NUP54: variants seen among roughly 807,000 people sequenced by gnomAD.
NUP54 encodes the protein nucleoporin p54.
In NUP54, 27 loss-of-function variants were observed where a neutral mutation model predicts 66.4. The observed-to-expected ratio is 0.41, with a 90% CI of 0.30 to 0.56. The LOEUF (loss-of-function observed/expected upper bound fraction) is 0.56. NUP54 is among the 20% of genes least tolerant of loss of function. The probability of loss-of-function intolerance (pLI) is 0.34; values close to 1 mark genes in which losing one functional copy is unlikely to be tolerated. For synonymous variants in NUP54, 206 were observed against 210.7 expected, an observed-to-expected ratio of 0.98 and a Z score of 0.19; for missense variants, 486 against 596.3, an observed-to-expected ratio of 0.82 and a Z score of 1.93.
chr4:76,118,759 C>T (rs560608841), intron 9 of NUP54, among the ~76,000 whole-genome samples: 17 of 151,808 alleles, frequency 1.1e-4, no homozygotes, highest in South Asian at 2.1e-4. Context: ...AATCCCAGCA[C>T]TTTGGGAGGA....
At chr4:76,126,888 AATAAAGACCC>A (rs1408624241) in intron 8 of NUP54, among the ~76,000 whole-genome samples, 1 of 152,182 alleles carries the variant, frequency 6.6e-6, no homozygotes, top group African/African-American at 2.4e-5. Flanking sequence ...TTTATGGAAG[AATAAAGACCC>A]ATAAAGACCC....
intron 1 of NUP54, 67 bp downstream of exon 1, chr4:76,148,241 T>G: frequency 1.8e-6 from 2 of 1,129,082 alleles, no homozygotes; most frequent in Non-Finnish European, 2.3e-6. Flanking sequence ...TCGGAGAGTC[T>G]CGGACAGAGG....
chr4:76,136,387 A>G lies in NUP54; in HGVS notation c.321T>C (p.Pro107=), dbSNP rs770364428. 11 of 1,613,902 alleles carry G rather than the reference A, an allele frequency of 6.8e-6. No homozygotes were observed. The East Asian group carries it at 2.2e-4, about 33-fold the overall frequency. Residue 107 remains proline, a synonymous_variant, in exon 4 of 12, where the codon CCT becomes CCC. Coordinates refer to ENST00000264883, the MANE Select transcript of NUP54 (RefSeq NM_017426.4). ...GGTTGGACTGGGTAGGAGCTTGTGT[A>G]GGCTGACTGAAGAGACCACCTAATG... ...QTTLGGLFSQ[P]TQAPTQSNQL...
rs1236338016 is a variant in NUP54 at position 76,136,176 on chromosome 4, TTAA to T, written c.522+7_522+9del. 6.3e-7 allele frequency: 1 copy of T among 1,581,722 alleles called. No homozygotes were observed. Among genetic ancestry groups the T allele is most frequent in the Non-Finnish European group, 8.7e-7 (1 of 1,151,632 alleles). On this transcript the variant is annotated splice_region_variant and intron_variant, in intron 4 of 11. Coordinates refer to ENST00000264883, the MANE Select transcript of NUP54 (RefSeq NM_017426.4). ...TCTTCAACTGAAGATAAAAATAGTA[TTAA>T]TAATACCTTAAATCGGCAAAAGGGA...
At chr4:76,120,230 A>C (rs1730169682) in intron 9 of NUP54, among the ~76,000 whole-genome samples, 2 of 152,152 alleles carry the variant, frequency 1.3e-5, no homozygotes, top group African/African-American at 4.8e-5. Context: ...ACTGGTATAG[A>C]TCTTTAACAA....
intron 8 of NUP54, among the ~76,000 whole-genome samples, chr4:76,129,624 G>A (rs561431094): frequency 2.2e-4 from 34 of 152,184 alleles, no homozygotes; most frequent in Middle Eastern, 3.4e-3. Context: ...TAGCACTTTC[G>A]GGAGGCCGAG....
intron 6 of NUP54, 172 bp downstream of exon 6, chr4:76,132,351 T>C: frequency 2.3e-6 from 1 of 440,190 alleles, no homozygotes. Context: ...AGCTATATAA[T>C]AAAAAACTAA....
chr4:76,129,020 AC>A (rs1392338709), intron 8 of NUP54, among the ~76,000 whole-genome samples: 29 of 152,342 alleles, frequency 1.9e-4, no homozygotes, highest in Non-Finnish European at 3.8e-4. Context: ...GTTCTATAGC[AC>A]TATAGGTAAC....
At chr4:76,123,714 G>A (rs967964577) in intron 9 of NUP54, among the ~76,000 whole-genome samples, 1 of 151,928 alleles carries the variant, frequency 6.6e-6, no homozygotes, top group African/African-American at 2.4e-5. Context: ...GGGTTTCACC[G>A]TGTTGCCCAG....
chr4:76,117,544 A>G, intron 11 of NUP54, 120 bp downstream of exon 11: 2 of 653,216 alleles, frequency 3.1e-6, no homozygotes, highest in South Asian at 1.9e-5. Flanking sequence ...CAACAGTGCA[A>G]GAAAGTTCCA....
intron 8 of NUP54, among the ~76,000 whole-genome samples, chr4:76,127,205 G>A (rs981663209): frequency 1.3e-5 from 2 of 152,090 alleles, no homozygotes; most frequent in Non-Finnish European, 2.9e-5. Context: ...GGCCAAGACG[G>A]GTGGATCACG....
chr4:76,141,159 A>C (rs1025860026), intron 3 of NUP54, among the ~76,000 whole-genome samples: 1 of 152,176 alleles, frequency 6.6e-6, no homozygotes, highest in Non-Finnish European at 1.5e-5. Flanking sequence ...TGAGGAATAC[A>C]TGGACGGGCA....
At position 76,118,092 on chromosome 4, in the gene NUP54, C is replaced by T. The variant is rs1560672890; in HGVS notation, c.1267G>A (p.Ala423Thr). Residue 423 changes from alanine to threonine, a missense_variant, in exon 10 of 12, where the codon GCA becomes ACA. By Grantham distance (58) the Ala-to-Thr change is moderately conservative. Around this residue, in one of 4 missense-constraint regions of NUP54, gnomAD observed 83 missense variants for 128.6 expected, o/e 0.65. Transcript: ENST00000264883. ...GTGGTTACCTTGAACTGAGTAGGTG[C>T]ATTTAGTTCACCCTGAATCGTATCC... ...QLDTIQGELN[A>T]PTQFKGRLNE... 6.2e-7 allele frequency: 1 copy of T among 1,613,992 alleles called. No individual in the cohort carries two copies. Among genetic ancestry groups the T allele is most frequent in the Non-Finnish European group, 8.5e-7 (1 of 1,179,888 alleles).
At chr4:76,124,394 A>C (rs922909771) in intron 9 of NUP54, among the ~76,000 whole-genome samples, 3 of 152,158 alleles carry the variant, frequency 2.0e-5, no homozygotes, top group African/African-American at 7.2e-5. Flanking sequence ...CCTTGCACTA[A>C]GATGCTTTAT....
At chr4:76,119,542 C>CTT (rs11358048) in intron 9 of NUP54, among the ~76,000 whole-genome samples, 3 of 143,360 alleles carry the variant, frequency 2.1e-5, no homozygotes, top group African/African-American at 5.1e-5. Flanking sequence ...AATTTTTTTT[C>CTT]TTTTTTTTTT....
intron 9 of NUP54, among the ~76,000 whole-genome samples, chr4:76,122,230 G>C (rs1730267299): frequency 6.6e-6 from 1 of 152,084 alleles, no homozygotes; most frequent in Admixed American, 6.6e-5. Context: ...TAAATAGCTG[G>C]ATTCTCTTTG....
chr4:76,133,062 A>T (rs546848942), intron 5 of NUP54, among the ~76,000 whole-genome samples: 3 of 108,672 alleles, frequency 2.8e-5, no homozygotes, highest in South Asian at 3.5e-4. Context: ...ATATATATAT[A>T]TATTTTTAAA....
Position 76,136,432 on chromosome 4 carries a change from T to C in NUP54, c.296-20A>G. 3 of 1,588,620 alleles carry C rather than the reference T, an allele frequency of 1.9e-6. No individual in the cohort carries two copies. The highest frequency in any genetic ancestry group is 2.6e-6 in the Non-Finnish European group (3 of 1,161,514). On this transcript the variant is annotated intron_variant, in intron 3 of 11. Transcript: ENST00000264883. Reference sequence around the variant, plus strand: ...CTAATGCTAAAAATGTACCCAAAATTAGTATTTAAAAACAAAACAAAACAA... The same window carrying C: ...CTAATGCTAAAAATGTACCCAAAATCAGTATTTAAAAACAAAACAAAACAA...
chr4:76,143,229 TATACC>T (rs772843490), intron 3 of NUP54, among the ~76,000 whole-genome samples: 23 of 152,246 alleles, frequency 1.5e-4, no homozygotes, highest in Non-Finnish European at 3.2e-4. Context: ...TGTGTTAAAC[TATACC>T]ATAGGCGTGC....
Sources: allele counts gnomAD v4.1 joint callset (sites outside exome capture counted in the v4.1 genomes callset), GRCh38; gene constraint gnomAD v4.1.1; regional missense constraint gnomAD v4.1.1; transcripts MANE v1.5; gene names NCBI Gene and HGNC (gene_info 2026-07-23, HGNC 2026-07-21).